Variants in EFR3B observed in about 807,000 individuals in gnomAD.
EFR3B encodes the protein protein EFR3 homolog B.
A neutral mutation model predicts 104.7 loss-of-function variants in EFR3B; 64 were observed. The observed-to-expected ratio is 0.61, with a 90% CI of 0.50 to 0.75. EFR3B has a LOEUF of 0.75. EFR3B is among the 30% of genes least tolerant of loss of function. The probability of loss-of-function intolerance (pLI) is 0.00; values close to 1 mark genes in which losing one functional copy is unlikely to be tolerated. For synonymous variants in EFR3B, 385 were observed against 417.9 expected (o/e 0.92, Z 0.96); for missense variants, 750 against 1,078.5 (o/e 0.70, Z 4.27).
At chr2:25,073,305 G>GCT (rs1000803633) in intron 1 of EFR3B, among the ~76,000 whole-genome samples, 1 of 151,564 alleles carries the variant, frequency 6.6e-6, no homozygotes, top group Admixed American at 6.6e-5. Context: ...TCCAAGGCGT[G>GCT]CTCTCTCTAT....
chr2:25,042,446 G>A lies in EFR3B; in HGVS notation c.7+127G>A, dbSNP rs1361057799. The A allele has an allele frequency of 2.5e-6, 3 of 1,212,994 alleles. No homozygotes were observed. Among genetic ancestry groups the A allele is most frequent in the East Asian group, 3.3e-5 (1 of 30,280 alleles). 75.1% of individuals were successfully genotyped at this position (1,212,994 alleles called of 1,614,324 possible). ...GGCCGCTGACCTGGTGCCCGGCGGG[G>A]CTGTTGCGGTCGCTCTGTGCGCGCG... On this transcript the variant is annotated intron_variant, in intron 1 of 22. Transcript: ENST00000403714. This position sits in a 1 kb window ranked among gnomAD's most constrained non-coding sequence, Gnocchi z 5.4.
chr2:25,051,334 C>T (rs1041519586), intron 1 of EFR3B, among the ~76,000 whole-genome samples: 1 of 152,078 alleles, frequency 6.6e-6, no homozygotes, highest in Non-Finnish European at 1.5e-5. Context: ...AGGCGGGTCT[C>T]GACCTCCTGA....
At chr2:25,079,786 A>G in intron 1 of EFR3B, 1 of 645,702 alleles carries the variant, frequency 1.5e-6, no homozygotes, top group Non-Finnish European at 3.0e-6. Flanking sequence ...AAAAGTTTGT[A>G]TACCTACATG....
chr2:25,050,167 TAAG>T (rs1247154962), intron 1 of EFR3B, among the ~76,000 whole-genome samples: 1 of 150,892 alleles, frequency 6.6e-6, no homozygotes, highest in Non-Finnish European at 1.5e-5. Flanking sequence ...AATGTCAAGA[TAAG>T]GAGTTTTCAC....
intron 3 of EFR3B, among the ~76,000 whole-genome samples, chr2:25,098,831 A>ATTTTTT (rs11416666): frequency 3.6e-5 from 3 of 83,812 alleles, no homozygotes; most frequent in African/African-American, 1.0e-4. Flanking sequence ...TAAGTAGCCA[A>ATTTTTT]TTTTTTTTTT....
In EFR3B at chr2:25,114,703, A is replaced by T. The variant is rs888269805; in HGVS notation, c.364-6970A>T. ...CTTCAGAGGAAGTGGCTGTCCATCCATCCAGCCTTGACGGACCTCCCTGAC... is the reference window on the plus strand; with the variant it reads ...CTTCAGAGGAAGTGGCTGTCCATCCTTCCAGCCTTGACGGACCTCCCTGAC... On this transcript the variant is annotated intron_variant, in intron 4 of 22. Transcript: ENST00000403714. This position sits in a 1 kb window ranked among gnomAD's most constrained non-coding sequence, Gnocchi z 4.0. Among the ~76,000 whole-genome samples the T allele has an allele frequency of 5.3e-5, 8 of 152,124 alleles. No homozygotes were observed. The highest frequency in any genetic ancestry group is 8.8e-5 in the Non-Finnish European group (6 of 68,006).
At chr2:25,103,346 G>A (rs993168002) in intron 3 of EFR3B, among the ~76,000 whole-genome samples, 1 of 152,220 alleles carries the variant, frequency 6.6e-6, no homozygotes, top group Non-Finnish European at 1.5e-5. Context: ...TGCTCTTTGT[G>A]TTGACTCATG....
At chr2:25,128,158 T>A in intron 5 of EFR3B, 25 bp from the exon 6 acceptor site, 1 of 1,551,362 alleles carries the variant, frequency 6.4e-7, no homozygotes, top group Non-Finnish European at 8.7e-7. Flanking sequence ...GACTTCCGAG[T>A]CCCACTTCAC....
At chr2:25,145,428 G>T (rs967847035) in intron 19 of EFR3B, 1 of 315,044 alleles carries the variant, frequency 3.2e-6, no homozygotes, top group Non-Finnish European at 5.8e-6. Flanking sequence ...TGAAAAATCA[G>T]CCAGGCATGG....
At chr2:25,077,293 CT>C (rs901826696) in intron 1 of EFR3B, among the ~76,000 whole-genome samples, 59 of 148,522 alleles carry the variant, frequency 4.0e-4, no homozygotes, top group African/African-American at 7.1e-4. Context: ...AGTTTTAAAA[CT>C]TTTTTTTTTT....
chr2:25,107,243 T>TAGGG (rs915023968), intron 4 of EFR3B, among the ~76,000 whole-genome samples: 4 of 152,018 alleles, frequency 2.6e-5, no homozygotes, highest in African/African-American at 9.7e-5. Flanking sequence ...AGACCAGACT[T>TAGGG]AGTCTATCAC....
In EFR3B at chr2:25,084,141, A is replaced by G. The variant is rs114365617; in HGVS notation, c.8-7184A>G. On this transcript the variant is annotated intron_variant, in intron 1 of 22. Transcript: ENST00000403714. ...ACTTAATGCCTCAGTTTTCTCATCT[A>G]TAAAATGAGGATAAAAATAGTACCT... is the stretch of plus-strand genomic sequence containing the variant. 8.4e-3 allele frequency among the ~76,000 whole-genome samples: 1,280 copies of G among 152,280 alleles called. 24 individuals are homozygous for G. Among genetic ancestry groups the G allele is most frequent in the African/African-American group, 0.028 (1,165 of 41,544 alleles).
intron 1 of EFR3B, among the ~76,000 whole-genome samples, chr2:25,044,722 C>T (rs931432282): frequency 6.6e-6 from 1 of 152,178 alleles, no homozygotes; most frequent in Non-Finnish European, 1.5e-5. Flanking sequence ...TAAAGGTGTA[C>T]CTTGTCCACC....
chr2:25,125,278 G>A (rs1024201212), intron 5 of EFR3B, among the ~76,000 whole-genome samples: 7 of 152,188 alleles, frequency 4.6e-5, no homozygotes, highest in African/African-American at 7.2e-5. Flanking sequence ...GGAGCCCTGG[G>A]TAGAAGTTTT....
At chr2:25,111,483 G>A (rs1001283132) in intron 4 of EFR3B, among the ~76,000 whole-genome samples, 1 of 152,056 alleles carries the variant, frequency 6.6e-6, no homozygotes, top group Non-Finnish European at 1.5e-5. Context: ...TCTTCCCACC[G>A]GATGTGCCCT....
intron 4 of EFR3B, 59 bp from the exon 5 acceptor site, chr2:25,121,614 G>C (rs1670016448): frequency 6.5e-7 from 1 of 1,545,344 alleles, no homozygotes; most frequent in Non-Finnish European, 8.8e-7. Flanking sequence ...GGGATGCCCA[G>C]CAGTGAGAAG....
chr2:25,054,441 C>G (rs1199624019), intron 1 of EFR3B, among the ~76,000 whole-genome samples: 1 of 151,950 alleles, frequency 6.6e-6, no homozygotes, highest in Non-Finnish European at 1.5e-5. Context: ...CCTGCCCCAG[C>G]CTCCCAAGTA....
Position 25,042,740 on chromosome 2 carries a change from G to C in EFR3B, c.7+421G>C, listed in dbSNP as rs890784865. 21 of 982,146 alleles carry C rather than the reference G, an allele frequency of 2.1e-5. No individual in the cohort carries two copies. In the Admixed American group the frequency reaches 2.4e-4, roughly 11 times the overall value. The allele number at this position is 982,146 out of a possible 1,614,324, so 60.8% of individuals were successfully genotyped here. ...GACGCCCGCGGCCGGTCGTCTGCGC[G>C]GCTCGGAGAAGGCGGGAGGCGGCGC... On this transcript the variant is annotated intron_variant, in intron 1 of 22. Coordinates refer to ENST00000403714, the MANE Select transcript of EFR3B (RefSeq NM_014971.2). This position sits in a 1 kb window ranked among gnomAD's most constrained non-coding sequence, Gnocchi z 5.4.
At chr2:25,123,244 C>T (rs936201814) in intron 5 of EFR3B, among the ~76,000 whole-genome samples, 2 of 151,842 alleles carry the variant, frequency 1.3e-5, no homozygotes, top group Admixed American at 1.3e-4. Flanking sequence ...CCTGTATTCT[C>T]AGCTACTTAG....
Sources: gnomAD v4.1 joint callset for allele counts (sites outside exome capture counted in the v4.1 genomes callset) on GRCh38, gnomAD v4.1.1 for gene constraint, Gnocchi (gnomAD v3.1) non-coding constraint, MANE v1.5 for transcripts, NCBI Gene and HGNC (gene_info 2026-07-23, HGNC 2026-07-21) for gene names.